CCSER1: variants seen among roughly 807,000 people sequenced by gnomAD.
CCSER1 encodes serine-rich coiled-coil domain-containing protein 1.
A neutral mutation model predicts 82.0 loss-of-function variants in CCSER1; 41 were observed. The observed-to-expected ratio is 0.50, with a 90% CI of 0.39 to 0.65. The LOEUF (loss-of-function observed/expected upper bound fraction) is 0.65. Ranked by LOEUF, CCSER1 falls within the 30% of genes least tolerant of loss-of-function variation. The probability of loss-of-function intolerance (pLI) is 0.00; values close to 1 mark genes in which losing one functional copy is unlikely to be tolerated. For missense variants in CCSER1, 1,119 were observed against 1,064.2 expected, an observed-to-expected ratio of 1.05 and a Z score of -0.72; for synonymous variants, 414 against 383.9, an observed-to-expected ratio of 1.08 and a Z score of -0.92.
At chr4:90,608,386 C>A (rs995653859) in intron 5 of CCSER1, among the ~76,000 whole-genome samples, 2 of 152,162 alleles carry the variant, frequency 1.3e-5, no homozygotes, top group African/African-American at 2.4e-5. Context: ...TTACCTTCTC[C>A]TAAAGGGTCC....
intron 4 of CCSER1, among the ~76,000 whole-genome samples, chr4:90,444,513 T>G (rs991676884): frequency 1.3e-5 from 2 of 152,076 alleles, no homozygotes; most frequent in African/African-American, 4.8e-5. Flanking sequence ...CTTCAGCGTA[T>G]TTAGCATCCA....
At chr4:91,451,136 C>T (rs1425843809) in intron 10 of CCSER1, among the ~76,000 whole-genome samples, 2 of 151,948 alleles carry the variant, frequency 1.3e-5, no homozygotes, top group Non-Finnish European at 2.9e-5. Flanking sequence ...AAGGGGAACC[C>T]CAGCTTGTTT....
intron 4 of CCSER1, among the ~76,000 whole-genome samples, chr4:90,425,915 A>G (rs892141791): frequency 6.6e-6 from 1 of 151,500 alleles, no homozygotes; most frequent in Non-Finnish European, 1.5e-5. Context: ...GGAAGATTCT[A>G]TTTTTTTTAA....
chr4:90,469,521 C>CAA (rs951576713), intron 5 of CCSER1, among the ~76,000 whole-genome samples: 3 of 110,732 alleles, frequency 2.7e-5, no homozygotes, highest in Admixed American at 1.8e-4. Flanking sequence ...TGTTTTCCTG[C>CAA]AAAACACACA....
chr4:90,603,040 G>T (rs773499359), intron 5 of CCSER1, among the ~76,000 whole-genome samples: 1 of 152,196 alleles, frequency 6.6e-6, no homozygotes, highest in Non-Finnish European at 1.5e-5. Flanking sequence ...AGCTGTCAAT[G>T]CCCTTTCTTC....
At chr4:90,595,033 G>A (rs968949814) in intron 5 of CCSER1, among the ~76,000 whole-genome samples, 10 of 151,504 alleles carry the variant, frequency 6.6e-5, no homozygotes, top group Non-Finnish European at 1.3e-4. Context: ...TGATTTCATC[G>A]ATCTATTAAC....
At chr4:90,224,068 A>G (rs918343223) in intron 1 of CCSER1, among the ~76,000 whole-genome samples, 17 of 152,106 alleles carry the variant, frequency 1.1e-4, no homozygotes, top group African/African-American at 4.1e-4. Flanking sequence ...TTCAGTCAAT[A>G]TTTTCTTCAT....
intron 5 of CCSER1, among the ~76,000 whole-genome samples, chr4:90,547,875 A>G (rs937619244): frequency 1.3e-5 from 2 of 152,206 alleles, no homozygotes; most frequent in Non-Finnish European, 1.5e-5. Context: ...TTTGATTTAT[A>G]TAACAGTGGC....
intron 10 of CCSER1, among the ~76,000 whole-genome samples, chr4:91,497,052 A>C (rs913619824): frequency 2.7e-5 from 4 of 150,508 alleles, no homozygotes; most frequent in Non-Finnish European, 5.9e-5. Context: ...CTCTCCACAG[A>C]TGGTCTTAGG....
chr4:90,363,035 T>C (rs1745646411), intron 3 of CCSER1, among the ~76,000 whole-genome samples: 1 of 152,168 alleles, frequency 6.6e-6, no homozygotes. Context: ...GACATGAGCT[T>C]ATCAGTATTA....
intron 7 of CCSER1, among the ~76,000 whole-genome samples, chr4:90,814,731 G>C (rs1051385076): frequency 6.6e-6 from 1 of 152,166 alleles, no homozygotes; most frequent in Admixed American, 6.5e-5. Flanking sequence ...CTTTGCTAAA[G>C]CATAGCAATA....
At chr4:90,367,421 G>T (rs2153522198) in intron 3 of CCSER1, among the ~76,000 whole-genome samples, 1 of 151,888 alleles carries the variant, frequency 6.6e-6, no homozygotes, top group East Asian at 1.9e-4. Flanking sequence ...TTTTCCTCCA[G>T]AATTTGTATG....
At chr4:90,610,439 A>C (rs927827945) in intron 5 of CCSER1, among the ~76,000 whole-genome samples, 1 of 152,140 alleles carries the variant, frequency 6.6e-6, no homozygotes, top group South Asian at 2.1e-4. Flanking sequence ...GTGAACAACT[A>C]TCAGCTACTA....
chr4:90,570,089 C>T (rs115921519), intron 5 of CCSER1, among the ~76,000 whole-genome samples: 2,305 of 152,252 alleles, frequency 0.015, 29 homozygotes, highest in Non-Finnish European at 0.022. Flanking sequence ...TGAACAAGGA[C>T]GATGACCTCC....
chr4:90,917,738 C>A (rs940375938), intron 8 of CCSER1, among the ~76,000 whole-genome samples: 8 of 151,948 alleles, frequency 5.3e-5, no homozygotes, highest in Non-Finnish European at 1.2e-4. Flanking sequence ...TAAAAAAAAT[C>A]TTTTATTATT....
chr4:91,598,325 T>C (rs1764677449), intron 10 of CCSER1, among the ~76,000 whole-genome samples: 1 of 152,188 alleles, frequency 6.6e-6, no homozygotes, highest in Non-Finnish European at 1.5e-5. Context: ...AGCTATATAA[T>C]TCAAATTTAG....
intron 5 of CCSER1, among the ~76,000 whole-genome samples, chr4:90,548,167 C>T (rs1203875600): frequency 6.6e-6 from 1 of 151,960 alleles, no homozygotes; most frequent in African/African-American, 2.4e-5. Context: ...TTAAGAGGGC[C>T]AAGTCTGGAT....
At chr4:90,619,503 ATTT>A (rs1243739744) in intron 5 of CCSER1, among the ~76,000 whole-genome samples, 1 of 152,082 alleles carries the variant, frequency 6.6e-6, no homozygotes, top group Non-Finnish European at 1.5e-5. Flanking sequence ...AACCTGTGAT[ATTT>A]TGTAAGTTAC....
At chr4:91,219,206 A>G (rs2149097028) in intron 10 of CCSER1, among the ~76,000 whole-genome samples, 2 of 151,822 alleles carry the variant, frequency 1.3e-5, no homozygotes, top group East Asian at 1.9e-4. Flanking sequence ...TTCAAATATA[A>G]TTGTTATAAA....
Sources: allele counts gnomAD v4.1 joint callset (sites outside exome capture counted in the v4.1 genomes callset), GRCh38; gene constraint gnomAD v4.1.1; transcripts MANE v1.5; gene names NCBI Gene and HGNC (gene_info 2026-07-23, HGNC 2026-07-21).